The following MRPS28 variants were observed in gnomAD, a reference collection of about 807,000 sequenced individuals.
The protein encoded by MRPS28 is mitochondrial ribosomal protein S28.
A neutral mutation model predicts 10.8 loss-of-function variants in MRPS28; 7 were observed. The observed-to-expected ratio is 0.65, with a 90% CI of 0.37 to 1.22. MRPS28 has a LOEUF of 1.22. MRPS28 is among the 50% of genes most tolerant of loss of function. MRPS28 has a pLI of 0.02. For missense variants in MRPS28, 265 were observed against 232.9 expected, an observed-to-expected ratio of 1.14 and a Z score of -0.90; for synonymous variants, 121 against 93.3, an observed-to-expected ratio of 1.30 and a Z score of -1.71.
In MRPS28 at chr8:80,029,979, G is replaced by A. The variant is rs981621300; in HGVS notation, c.213+57C>T. The A allele has an allele frequency of 1.3e-5, 20 of 1,580,316 alleles. No individual in the cohort carries two copies. In the African/African-American group the frequency reaches 2.2e-4, roughly 18 times the overall value. ...AGGCTCCGCCCCTATTCCCGACCCC[G>A]CCCACCGCGTCGTTGGCGTAATTCC... On this transcript the variant is annotated intron_variant, in intron 1 of 2. Coordinates refer to ENST00000276585, the MANE Select transcript of MRPS28 (RefSeq NM_014018.3).
rs1563547842 is a variant in MRPS28 at position 80,030,254 on chromosome 8, CTTT to C, written c.-9_-7del. The C allele has an allele frequency of 1.2e-6, 2 of 1,614,140 alleles. No individual in the cohort carries two copies. The highest frequency in any genetic ancestry group is 2.2e-5 in the East Asian group (1 of 44,884). ...GTCCGACACAGCGCCGCCATGACTT[CTTT>C]ACCTCTGACCTTTGACCTCCCCTCC... On this transcript the variant is annotated 5_prime_UTR_variant, in exon 1 of 3. Coordinates refer to ENST00000276585, the MANE Select transcript of MRPS28 (RefSeq NM_014018.3).
In MRPS28 at chr8:79,967,880, T is replaced by C. The variant is rs1807540853; in HGVS notation, c.395+35119A>G. Among the ~76,000 whole-genome samples, 8 of 152,138 alleles carry C rather than the reference T, an allele frequency of 5.3e-5. No individual in the cohort carries two copies. In the South Asian group the frequency reaches 1.4e-3, roughly 28 times the overall value. On this transcript the variant is annotated intron_variant, in intron 2 of 2. Transcript: ENST00000276585. ...GATACATGCTATTAGTATATGTATA[T>C]ATACTATTAATATATGTGTATATAT...
rs571808921 is a variant in MRPS28, at chr8:79,966,029, T to C, written c.395+36970A>G. On this transcript the variant is annotated intron_variant, in intron 2 of 2. Transcript: ENST00000276585. Reference sequence around the variant, plus strand: ...AAAAGAAAGGTAACAGACTTCCATATCTAGCAGTATGTTAGAATGACTAAA... The same window carrying C: ...AAAAGAAAGGTAACAGACTTCCATACCTAGCAGTATGTTAGAATGACTAAA... 2.6e-5 allele frequency among the ~76,000 whole-genome samples: 4 copies of C among 152,168 alleles called. No individual in the cohort carries two copies. In the East Asian group the frequency reaches 7.7e-4, roughly 29 times the overall value.
chr8:79,939,460 A>T (rs1456564068), intron 2 of MRPS28, among the ~76,000 whole-genome samples: 4 of 151,642 alleles, frequency 2.6e-5, no homozygotes, highest in South Asian at 4.2e-4. Context: ...TATTGTGATT[A>T]AAAAAAAATC....
intron 1 of MRPS28, among the ~76,000 whole-genome samples, chr8:80,020,741 G>A (rs1809335547): frequency 6.6e-6 from 1 of 152,106 alleles, no homozygotes; most frequent in African/African-American, 2.4e-5. Context: ...TTGTAGAGAA[G>A]GTTAAAGGGG....
intron 2 of MRPS28, among the ~76,000 whole-genome samples, chr8:79,922,508 G>T (rs1328969113): frequency 6.6e-6 from 1 of 152,060 alleles, no homozygotes; most frequent in Non-Finnish European, 1.5e-5. Context: ...ATGAGGTAAT[G>T]CATTTGTAAA....
At chr8:79,958,506 T>A (rs1807287050) in intron 2 of MRPS28, 6 of 588,766 alleles carry the variant, frequency 1.0e-5, no homozygotes, top group Non-Finnish European at 1.8e-5. Flanking sequence ...TTATTGCTAA[T>A]TTTATTTGGT....
chr8:80,019,446 C>A (rs1809297046), intron 1 of MRPS28, among the ~76,000 whole-genome samples: 1 of 151,448 alleles, frequency 6.6e-6, no homozygotes, highest in South Asian at 2.1e-4. Context: ...TGACAAAACC[C>A]AATACCCATT....
intron 1 of MRPS28, among the ~76,000 whole-genome samples, chr8:80,016,804 A>T (rs1201771825): frequency 6.6e-6 from 1 of 152,208 alleles, no homozygotes; most frequent in South Asian, 2.1e-4. Context: ...AAAAACCATG[A>T]GGCAAAAACT....
intron 2 of MRPS28, among the ~76,000 whole-genome samples, chr8:79,989,255 G>C (rs1045091920): frequency 6.6e-6 from 1 of 152,148 alleles, no homozygotes; most frequent in Non-Finnish European, 1.5e-5. Flanking sequence ...AAAATTTAAG[G>C]TAAGAAATAG....
intron 2 of MRPS28, among the ~76,000 whole-genome samples, chr8:79,941,564 T>TA (rs760601131): frequency 9.2e-5 from 14 of 152,166 alleles, no homozygotes; most frequent in Non-Finnish European, 2.1e-4. Flanking sequence ...AGAAGTCACA[T>TA]AGTCTAATTT....
chr8:79,999,441 T>C (rs371464638), intron 2 of MRPS28, among the ~76,000 whole-genome samples: 8 of 152,332 alleles, frequency 5.3e-5, no homozygotes, highest in African/African-American at 1.9e-4. Context: ...TATGCTGACC[T>C]GACAATTCTC....
intron 2 of MRPS28, among the ~76,000 whole-genome samples, chr8:79,974,645 A>G (rs942026333): frequency 2.6e-5 from 4 of 152,138 alleles, no homozygotes; most frequent in Non-Finnish European, 5.9e-5. Flanking sequence ...AGTATTTTCT[A>G]TTCTATTTCA....
intron 2 of MRPS28, among the ~76,000 whole-genome samples, chr8:79,951,088 G>T (rs144104276): frequency 6.6e-6 from 1 of 152,260 alleles, no homozygotes; most frequent in East Asian, 1.9e-4. Flanking sequence ...AGTCACTCAG[G>T]GCCTCATGCA....
At chr8:79,989,368 T>G (rs1808290568) in intron 2 of MRPS28, among the ~76,000 whole-genome samples, 1 of 152,178 alleles carries the variant, frequency 6.6e-6, no homozygotes, top group Non-Finnish European at 1.5e-5. Flanking sequence ...AGGTACAAAC[T>G]TGATTTCAAG....
At chr8:79,969,468 C>A (rs1018351121) in intron 2 of MRPS28, among the ~76,000 whole-genome samples, 8 of 151,992 alleles carry the variant, frequency 5.3e-5, no homozygotes, top group Non-Finnish European at 1.0e-4. Flanking sequence ...TATTATAAAA[C>A]CAAAATTTTA....
chr8:80,016,914 G>A (rs1185117991), intron 1 of MRPS28, among the ~76,000 whole-genome samples: 1 of 152,096 alleles, frequency 6.6e-6, no homozygotes, highest in Non-Finnish European at 1.5e-5. Context: ...AATCACTCAG[G>A]ATATAGCTGA....
At chr8:79,949,212 A>C (rs1197886669) in intron 2 of MRPS28, among the ~76,000 whole-genome samples, 1 of 152,120 alleles carries the variant, frequency 6.6e-6, no homozygotes, top group Admixed American at 6.6e-5. Flanking sequence ...TCAGGAGCTC[A>C]AGACCAGCCT....
At chr8:79,965,502 ATATAT>A (rs1163706881) in intron 2 of MRPS28, among the ~76,000 whole-genome samples, 2 of 152,070 alleles carry the variant, frequency 1.3e-5, no homozygotes, top group African/African-American at 4.8e-5. Context: ...ATAAATGATA[ATATAT>A]TAGGAATTAT....
Sources: gnomAD v4.1 joint callset for allele counts (sites outside exome capture counted in the v4.1 genomes callset) on GRCh38, gnomAD v4.1.1 for gene constraint, MANE v1.5 for transcripts, NCBI Gene and HGNC (gene_info 2026-07-23, HGNC 2026-07-21) for gene names.